FMN1: variants seen among roughly 807,000 people sequenced by gnomAD.
The protein encoded by FMN1 is formin-1.
In FMN1, 110 loss-of-function variants were observed where a neutral mutation model predicts 132.4. That is an observed-to-expected ratio of 0.83 (90% CI 0.71 to 0.97). FMN1 has a LOEUF of 0.97. Ranked by LOEUF, FMN1 falls within the 50% of genes least tolerant of loss-of-function variation. The probability of loss-of-function intolerance (pLI) is 0.00; values close to 1 mark genes in which losing one functional copy is unlikely to be tolerated. For synonymous variants in FMN1, 722 were observed against 651.7 expected (o/e 1.11, Z -1.64); for missense variants, 1,792 against 1,705.3 (o/e 1.05, Z -0.90).
intron 19 of FMN1, among the ~76,000 whole-genome samples, chr15:32,792,709 T>C (rs976606381): frequency 1.4e-4 from 22 of 152,248 alleles, no homozygotes; most frequent in Non-Finnish European, 2.9e-4. Context: ...GTGGAAGTGA[T>C]GTGTGCACCT....
intron 9 of FMN1, among the ~76,000 whole-genome samples, chr15:32,958,461 T>C (rs1404335335): frequency 6.6e-6 from 1 of 152,130 alleles, no homozygotes; most frequent in African/African-American, 2.4e-5. Flanking sequence ...ATGTGCCATA[T>C]GAGAGAAATA....
At chr15:33,075,478 A>G (rs1177230494) in intron 5 of FMN1, among the ~76,000 whole-genome samples, 2 of 152,166 alleles carry the variant, frequency 1.3e-5, no homozygotes, top group Non-Finnish European at 2.9e-5. Context: ...AGCTCCAAAG[A>G]AAATTCTTCC....
At chr15:33,127,731 T>C (rs1480195828) in intron 4 of FMN1, among the ~76,000 whole-genome samples, 1 of 152,210 alleles carries the variant, frequency 6.6e-6, no homozygotes, top group East Asian at 1.9e-4. Flanking sequence ...AGGCAGGTTA[T>C]ATTGTAATGA....
intron 16 of FMN1, among the ~76,000 whole-genome samples, chr15:32,873,898 AT>A (rs2059576383): frequency 6.6e-6 from 1 of 152,128 alleles, no homozygotes; most frequent in Non-Finnish European, 1.5e-5. Context: ...GGTATATGTA[AT>A]ATGACTCAGC....
rs1020936832 is a variant in FMN1 at position 33,184,343 on chromosome 15, G to T, written c.-196-4081C>A. ...AAAAGTATTTCCTACTCTTTCTAAA[G>T]AAAAAATATGGCAAGATATAGTTAA... On this transcript the variant is annotated intron_variant, in intron 2 of 20. Coordinates refer to ENST00000616417, the MANE Select transcript of FMN1 (RefSeq NM_001277313.2). Among the ~76,000 whole-genome samples the T allele has an allele frequency of 3.7e-4, 57 of 152,088 alleles. 1 individual carries two copies. The highest frequency in any genetic ancestry group is 1.3e-3 in the African/African-American group (54 of 41,506).
intron 5 of FMN1, among the ~76,000 whole-genome samples, chr15:33,074,415 C>CAA (rs2038118625): frequency 6.6e-6 from 1 of 152,226 alleles, no homozygotes; most frequent in African/African-American, 2.4e-5. Context: ...GTCATCCCAT[C>CAA]AAAAGCCTGC....
intron 4 of FMN1, among the ~76,000 whole-genome samples, chr15:33,097,814 G>C (rs1037472969): frequency 6.6e-6 from 1 of 152,110 alleles, no homozygotes; most frequent in Non-Finnish European, 1.5e-5. Flanking sequence ...ACACATATTT[G>C]GAGATGTCAA....
At chr15:32,963,966 T>A in intron 9 of FMN1, 141 bp downstream of exon 9, 1 of 454,976 alleles carries the variant, frequency 2.2e-6, no homozygotes, top group East Asian at 3.2e-5. Context: ...AATAAATTCC[T>A]ATGATACACA....
chr15:33,078,709 ACAGT>A (rs1485950539), intron 5 of FMN1, among the ~76,000 whole-genome samples: 2 of 152,162 alleles, frequency 1.3e-5, no homozygotes, highest in Non-Finnish European at 2.9e-5. Context: ...GTGTTCACAA[ACAGT>A]CAGTATGCAA....
At chr15:33,043,547 T>C (rs1361564325) in intron 6 of FMN1, among the ~76,000 whole-genome samples, 1 of 152,256 alleles carries the variant, frequency 6.6e-6, no homozygotes, top group Non-Finnish European at 1.5e-5. Context: ...CACGAATTGT[T>C]CATTGCTCAA....
chr15:32,827,799 G>A (rs1272296109), intron 17 of FMN1, among the ~76,000 whole-genome samples: 1 of 151,638 alleles, frequency 6.6e-6, no homozygotes, highest in African/African-American at 2.4e-5. Flanking sequence ...AGCGGAGATT[G>A]CGCCACTGCA....
intron 16 of FMN1, among the ~76,000 whole-genome samples, chr15:32,881,237 T>C (rs965657014): frequency 2.6e-5 from 4 of 152,244 alleles, no homozygotes; most frequent in African/African-American, 9.6e-5. Flanking sequence ...CAAATATGTA[T>C]GACTTTCTGC....
At chr15:33,186,887 C>T (rs1170580767) in intron 2 of FMN1, among the ~76,000 whole-genome samples, 1 of 152,176 alleles carries the variant, frequency 6.6e-6, no homozygotes, top group African/African-American at 2.4e-5. Flanking sequence ...ACTTCTCTTA[C>T]TGCGACTTAA....
chr15:33,038,471 T>C (rs987124097), intron 6 of FMN1, among the ~76,000 whole-genome samples: 5 of 152,252 alleles, frequency 3.3e-5, no homozygotes, highest in Admixed American at 2.0e-4. Flanking sequence ...GAATATTTTC[T>C]ATTAATCACC....
At chr15:32,876,331 A>G (rs1466243575) in intron 16 of FMN1, among the ~76,000 whole-genome samples, 1 of 152,216 alleles carries the variant, frequency 6.6e-6, no homozygotes, top group Non-Finnish European at 1.5e-5. Context: ...TTGCTGTTAA[A>G]TGTAGGTATA....
intron 8 of FMN1, among the ~76,000 whole-genome samples, chr15:32,966,424 A>G (rs2031234624): frequency 6.6e-6 from 1 of 152,096 alleles, no homozygotes; most frequent in Admixed American, 6.5e-5. Context: ...CCAACGAATG[A>G]CCTGCCATGG....
intron 6 of FMN1, chr15:33,012,405 A>G: frequency 1.1e-6 from 1 of 916,102 alleles, no homozygotes; most frequent in East Asian, 2.4e-5. Flanking sequence ...ATTCTCAAAG[A>G]CCAGGTGCCC....
intron 4 of FMN1, among the ~76,000 whole-genome samples, chr15:33,092,071 G>GT (rs563967364): frequency 5.3e-5 from 8 of 152,120 alleles, no homozygotes; most frequent in Non-Finnish European, 1.0e-4. Flanking sequence ...CAGGTTATCT[G>GT]TACAGCTGAC....
At chr15:32,943,310 T>C (rs911005034) in intron 9 of FMN1, among the ~76,000 whole-genome samples, 32 of 152,222 alleles carry the variant, frequency 2.1e-4, no homozygotes, top group African/African-American at 7.5e-4. Flanking sequence ...GACAATCTGA[T>C]TCTCCCAAGT....
Sources: gnomAD v4.1 joint callset for allele counts (sites outside exome capture counted in the v4.1 genomes callset) on GRCh38, gnomAD v4.1.1 for gene constraint, MANE v1.5 for transcripts, NCBI Gene and HGNC (gene_info 2026-07-23, HGNC 2026-07-21) for gene names.